Variants in HS3ST3A1 observed in about 807,000 individuals in gnomAD.
The protein encoded by HS3ST3A1 is heparan sulfate-glucosamine 3-sulfotransferase 3A1.
A neutral mutation model predicts 25.7 loss-of-function variants in HS3ST3A1; 19 were observed. The ratio of observed to expected loss-of-function variants is 0.74; its 90% CI spans 0.52 to 1.08. The LOEUF is 1.08. HS3ST3A1 is among the 50% of genes least tolerant of loss of function. The probability of loss-of-function intolerance (pLI) is 0.00; values close to 1 mark genes in which losing one functional copy is unlikely to be tolerated. For synonymous variants in HS3ST3A1, 226 were observed against 278.6 expected (o/e 0.81, Z 1.88); for missense variants, 459 against 594.3 (o/e 0.77, Z 2.37).
intron 1 of HS3ST3A1, among the ~76,000 whole-genome samples, chr17:13,523,641 A>G (rs1906319850): frequency 6.6e-6 from 1 of 152,136 alleles, no homozygotes; most frequent in African/African-American, 2.4e-5. Flanking sequence ...GATAAGAGTT[A>G]GTTTTACACG....
intron 1 of HS3ST3A1, among the ~76,000 whole-genome samples, chr17:13,577,398 A>G (rs1907971840): frequency 6.6e-6 from 1 of 152,148 alleles, no homozygotes; most frequent in Non-Finnish European, 1.5e-5. Context: ...TTGCTTTCTG[A>G]CTGCCTCATG....
chr17:13,591,611 C>CT (rs1908425431), intron 1 of HS3ST3A1, among the ~76,000 whole-genome samples: 1 of 151,108 alleles, frequency 6.6e-6, no homozygotes, highest in Non-Finnish European at 1.5e-5. Flanking sequence ...TAAAAATTCA[C>CT]TTTTATGACC....
chr17:13,589,051 C>T (rs1908353272), intron 1 of HS3ST3A1, among the ~76,000 whole-genome samples: 1 of 152,184 alleles, frequency 6.6e-6, no homozygotes, highest in Admixed American at 6.5e-5. Flanking sequence ...GATTGTCTAA[C>T]TCTGACCTTC....
At chr17:13,549,925 C>T (rs898963811) in intron 1 of HS3ST3A1, among the ~76,000 whole-genome samples, 1 of 152,190 alleles carries the variant, frequency 6.6e-6, no homozygotes, top group Non-Finnish European at 1.5e-5. Context: ...TGTAGACCCA[C>T]TATCTCCAAA....
At chr17:13,556,745 G>A (rs376691643) in intron 1 of HS3ST3A1, among the ~76,000 whole-genome samples, 7 of 151,510 alleles carry the variant, frequency 4.6e-5, no homozygotes, top group Non-Finnish European at 7.4e-5. Context: ...TCAGCTACTC[G>A]GGAGGCTGAG....
At chr17:13,501,181 C>T (rs1905461770) in intron 1 of HS3ST3A1, among the ~76,000 whole-genome samples, 1 of 151,942 alleles carries the variant, frequency 6.6e-6, no homozygotes, top group Admixed American at 6.6e-5. Context: ...TTGTGGGGAT[C>T]GATCACGTAA....
intron 1 of HS3ST3A1, among the ~76,000 whole-genome samples, chr17:13,511,626 C>A (rs1905863590): frequency 6.6e-6 from 1 of 151,330 alleles, no homozygotes; most frequent in African/African-American, 2.4e-5. Flanking sequence ...AATGAAGCAA[C>A]TGATGCCACT....
rs1027475690 is a variant in HS3ST3A1, at chr17:13,601,358, G to A, written c.-229C>T. 2 of 488,160 alleles carry A rather than the reference G, an allele frequency of 4.1e-6. No individual in the cohort carries two copies. The highest frequency in any genetic ancestry group is 7.1e-6 in the Non-Finnish European group (2 of 281,318). 30.2% of individuals were successfully genotyped at this position (488,160 alleles called of 1,614,324 possible). A position where few individuals can be genotyped will look rare whatever the true frequency, so the allele number is the denominator to read the frequency against. On this transcript the variant is annotated 5_prime_UTR_variant, in exon 1 of 2. Transcript: ENST00000284110. ...GCCTCCAGTCGAGGGAGCGGGAAGG[G>A]GAACGCGGGTCCGTGCTTAAGAAAC... is the stretch of plus-strand genomic sequence containing the variant.
intron 1 of HS3ST3A1, among the ~76,000 whole-genome samples, chr17:13,531,923 T>C (rs1906617527): frequency 6.6e-6 from 1 of 152,158 alleles, no homozygotes; most frequent in African/African-American, 2.4e-5. Flanking sequence ...CAGCATTTAC[T>C]AATTGTCTGA....
intron 1 of HS3ST3A1, among the ~76,000 whole-genome samples, chr17:13,563,369 G>A (rs9892103): frequency 0.071 from 10,822 of 152,156 alleles, 614 homozygotes; most frequent in African/African-American, 0.16. Context: ...TACCTGGAGG[G>A]TCTGTGGGTT....
chr17:13,549,993 T>C (rs574494536), intron 1 of HS3ST3A1, among the ~76,000 whole-genome samples: 6 of 152,234 alleles, frequency 3.9e-5, no homozygotes, highest in Admixed American at 2.0e-4. Context: ...GTCATATAGA[T>C]ATTGGGGGAA....
chr17:13,565,182 G>A (rs963879135), intron 1 of HS3ST3A1, among the ~76,000 whole-genome samples: 21 of 151,902 alleles, frequency 1.4e-4, no homozygotes, highest in Admixed American at 6.6e-5. Flanking sequence ...ATTTTTGCAT[G>A]GTAGCTAATT....
rs1176553984 is a variant in HS3ST3A1 at position 13,600,779 on chromosome 17, G to T, written c.351C>A (p.Ser117=). 2 of 1,474,900 alleles carry T rather than the reference G, an allele frequency of 1.4e-6. No individual in the cohort carries two copies. Among genetic ancestry groups the T allele is most frequent in the South Asian group, 2.6e-5 (2 of 75,788 alleles). The allele number at this position is 1,474,900 out of a possible 1,614,324, so 91.4% of individuals were successfully genotyped here. A position where few individuals can be genotyped will look rare whatever the true frequency, so the allele number is the denominator to read the frequency against. ...DGEEAAWEEE[S]PGLSGGPGGS... is the part of the protein sequence containing the mutation. ...CGCCCGGACCCCCTGACAGGCCAGG[G>T]GACTCTTCTTCCCAGGCCGCCTCCT... Residue 117 remains serine (S), a synonymous_variant, in exon 1 of 2, where the codon TCC becomes TCA. Coordinates refer to ENST00000284110, the MANE Select transcript of HS3ST3A1 (RefSeq NM_006042.3).
rs117655334 is a variant in HS3ST3A1, at chr17:13,522,679, A to G, written c.600-25861T>C. The stretch of plus-strand genomic sequence containing the variant: ...TGACACAGGTCAGATGGTTAATATC[A>G]AGTCAAATTAGACAAGAAAATGGCA... On this transcript the variant is annotated intron_variant, in intron 1 of 1. Coordinates refer to ENST00000284110, the MANE Select transcript of HS3ST3A1 (RefSeq NM_006042.3). Among the ~76,000 whole-genome samples, 657 of 152,294 alleles carry G rather than the reference A, an allele frequency of 4.3e-3. 5 individuals are homozygous for G. Among genetic ancestry groups the G allele is most frequent in the Middle Eastern group, 0.01 (3 of 294 alleles).
intron 1 of HS3ST3A1, among the ~76,000 whole-genome samples, chr17:13,556,630 G>T (rs1469963829): frequency 6.6e-6 from 1 of 152,038 alleles, no homozygotes; most frequent in Non-Finnish European, 1.5e-5. Context: ...GAGTCAGGCG[G>T]ATCACGAGGT....
intron 1 of HS3ST3A1, chr17:13,543,785 C>A (rs1055412676): frequency 1.3e-5 from 2 of 152,496 alleles, no homozygotes; most frequent in Non-Finnish European, 2.9e-5. Flanking sequence ...AGCTACATAA[C>A]AAAAGTGGGT....
In HS3ST3A1 at chr17:13,601,345, G is replaced by C. The variant is rs1360103414; in HGVS notation, c.-216C>G. On this transcript the variant is annotated 5_prime_UTR_variant, in exon 1 of 2. Coordinates refer to ENST00000284110, the MANE Select transcript of HS3ST3A1 (RefSeq NM_006042.3). ...GCGCAGGATCCCTGCCTCCAGTCGA[G>C]GGAGCGGGAAGGGGAACGCGGGTCC... 4 of 495,394 alleles carry C rather than the reference G, an allele frequency of 8.1e-6. No individual in the cohort carries two copies. The highest frequency in any genetic ancestry group is 4.2e-5 in the Admixed American group (1 of 23,718). 30.7% of individuals were successfully genotyped at this position (495,394 alleles called of 1,614,324 possible).
At chr17:13,530,711 T>C (rs1184262624) in intron 1 of HS3ST3A1, among the ~76,000 whole-genome samples, 2 of 152,202 alleles carry the variant, frequency 1.3e-5, no homozygotes, top group African/African-American at 4.8e-5. Context: ...CTTTCTCTGC[T>C]TTATCCTCCC....
intron 1 of HS3ST3A1, among the ~76,000 whole-genome samples, chr17:13,573,728 A>C (rs8069057): frequency 0.42 from 64,536 of 151,936 alleles, 15,280 homozygotes; most frequent in African/African-American, 0.64. Flanking sequence ...CCTCCCCCAA[A>C]TTCATATGTT....
Sources: gnomAD v4.1 joint callset for allele counts (sites outside exome capture counted in the v4.1 genomes callset) on GRCh38, gnomAD v4.1.1 for gene constraint, MANE v1.5 for transcripts, NCBI Gene and HGNC (gene_info 2026-07-23, HGNC 2026-07-21) for gene names.